Variants in KLHL12 observed in about 807,000 individuals in gnomAD.
The protein encoded by KLHL12 is kelch-like protein 12.
A neutral mutation model predicts 60.8 loss-of-function variants in KLHL12; 17 were observed. The ratio of observed to expected loss-of-function variants is 0.28; its 90% CI spans 0.19 to 0.42. The LOEUF (loss-of-function observed/expected upper bound fraction) is 0.42, where lower values mean the gene tolerates loss of function less well. Among genes scored for constraint, KLHL12 ranks in the 10% least tolerant of loss-of-function variants. The pLI is 1.00. For synonymous variants in KLHL12, 220 were observed against 250.9 expected, an observed-to-expected ratio of 0.88 and a Z score of 1.16; for missense variants, 468 against 722.3, an observed-to-expected ratio of 0.65 and a Z score of 4.04.
chr1:202,904,869 C>A (rs1660134749), intron 6 of KLHL12, among the ~76,000 whole-genome samples: 3 of 152,152 alleles, frequency 2.0e-5, no homozygotes, highest in African/African-American at 7.2e-5. Flanking sequence ...AAGTAATTTC[C>A]ATTATATCTT....
chr1:202,911,419 A>AAAT (rs1553237945), intron 4 of KLHL12, among the ~76,000 whole-genome samples: 3 of 150,768 alleles, frequency 2.0e-5, no homozygotes, highest in African/African-American at 4.9e-5. Context: ...TTAAAAAAAA[A>AAAT]ATATATATAT....
At chr1:202,925,454 T>C (rs1054296124) in intron 1 of KLHL12, among the ~76,000 whole-genome samples, 1 of 152,200 alleles carries the variant, frequency 6.6e-6, no homozygotes, top group Non-Finnish European at 1.5e-5. Flanking sequence ...TTTAATATGA[T>C]CAATGCTGAA....
At chr1:202,901,694 C>T (rs756547151) in intron 6 of KLHL12, among the ~76,000 whole-genome samples, 1 of 152,038 alleles carries the variant, frequency 6.6e-6, no homozygotes, top group Non-Finnish European at 1.5e-5. Context: ...TTATTTTTCC[C>T]GACAGATCCT....
At chr1:202,905,338 T>C (rs1660149994) in intron 6 of KLHL12, among the ~76,000 whole-genome samples, 1 of 152,192 alleles carries the variant, frequency 6.6e-6, no homozygotes, top group African/African-American at 2.4e-5. Context: ...AATAAGCAAA[T>C]AATGAGTGCT....
In KLHL12 at chr1:202,909,647, T is replaced by C. The variant is rs1169348497; in HGVS notation, c.718-523A>G. 6.6e-6 allele frequency among the ~76,000 whole-genome samples: 1 copy of C among 152,190 alleles called. No homozygotes were observed. Among genetic ancestry groups the C allele is most frequent in the East Asian group, 1.9e-4 (1 of 5,194 alleles). On this transcript the variant is annotated intron_variant, in intron 5 of 11. Coordinates refer to ENST00000367261, the MANE Select transcript of KLHL12 (RefSeq NM_021633.4). This position sits in a 1 kb window ranked among gnomAD's most constrained non-coding sequence, Gnocchi z 4.1. Reference sequence around the variant, plus strand: ...TGCCTCCCAACTCACTCTGTACCTTTTTCCACTCTGCTCTCTGGCTCAGAA... The same window carrying C: ...TGCCTCCCAACTCACTCTGTACCTTCTTCCACTCTGCTCTCTGGCTCAGAA...
chr1:202,902,214 G>A (rs1294429249), intron 6 of KLHL12, among the ~76,000 whole-genome samples: 1 of 151,942 alleles, frequency 6.6e-6, no homozygotes, highest in East Asian at 1.9e-4. Context: ...AGTGGATCAC[G>A]AGGTCAGGAG....
At chr1:202,919,715 C>T (rs1660627967) in intron 3 of KLHL12, 40 bp downstream of exon 3, 2 of 1,562,816 alleles carry the variant, frequency 1.3e-6, no homozygotes, top group Admixed American at 2.0e-5. Context: ...CTTTCCAGGG[C>T]TATTTTGACA....
chr1:202,908,441 G>A (rs1484970133), intron 6 of KLHL12, among the ~76,000 whole-genome samples: 1 of 152,196 alleles, frequency 6.6e-6, no homozygotes, highest in Non-Finnish European at 1.5e-5. Context: ...GTTACAGGCA[G>A]GTGCTACGAT....
At chr1:202,897,781 G>A (rs1318208047) in intron 6 of KLHL12, among the ~76,000 whole-genome samples, 2 of 150,910 alleles carry the variant, frequency 1.3e-5, no homozygotes, top group African/African-American at 4.9e-5. Context: ...TATTGCCCAG[G>A]CTGATCTCAA....
intron 4 of KLHL12, chr1:202,911,958 C>A (rs764643744): frequency 1.4e-5 from 11 of 811,664 alleles, no homozygotes; most frequent in Non-Finnish European, 2.0e-5. Context: ...TAATGAGAGA[C>A]CCAAACACCA....
At chr1:202,917,643 C>G (rs1015807310) in intron 4 of KLHL12, among the ~76,000 whole-genome samples, 1 of 152,198 alleles carries the variant, frequency 6.6e-6, no homozygotes, top group East Asian at 1.9e-4. Flanking sequence ...CTGATCCACT[C>G]CTGAGCAAAG....
chr1:202,918,563 T>C (rs1038350684), intron 3 of KLHL12, among the ~76,000 whole-genome samples, 175 bp from the exon 4 acceptor site: 2 of 152,262 alleles, frequency 1.3e-5, no homozygotes, highest in African/African-American at 4.8e-5. Context: ...TTCTGGCTTA[T>C]GTACTGTGCC....
Position 202,912,264 on chromosome 1 carries a change from G to A in KLHL12, c.568-1061C>T, listed in dbSNP as rs921732074. The A allele has an allele frequency of 4.7e-6, 5 of 1,063,184 alleles. No homozygotes were observed. The African/African-American group carries it at 6.2e-5, about 13-fold the overall frequency. 65.9% of individuals were successfully genotyped at this position (1,063,184 alleles called of 1,614,324 possible). ...TGGCAAGAAAAGGGGCTTTGCCTTT[G>A]TAACCTTTGATGACCATGACTCTGT... On this transcript the variant is annotated intron_variant, in intron 4 of 11. Coordinates refer to ENST00000367261, the MANE Select transcript of KLHL12 (RefSeq NM_021633.4).
intron 2 of KLHL12, among the ~76,000 whole-genome samples, chr1:202,923,139 G>A (rs1660749073): frequency 1.3e-5 from 2 of 152,084 alleles, no homozygotes; most frequent in South Asian, 4.1e-4. Flanking sequence ...GCATTTCCTT[G>A]CCTGATGTCA....
chr1:202,927,638 A>G (rs1653665840), upstream of KLHL12, among the ~76,000 whole-genome samples: 1 of 134,704 alleles, frequency 7.4e-6, no homozygotes, highest in South Asian at 2.4e-4. Context: ...CAGGATCGCC[A>G]CTGCACTCCA....
intron 6 of KLHL12, among the ~76,000 whole-genome samples, chr1:202,901,317 G>T (rs1249118706): frequency 6.6e-6 from 1 of 152,080 alleles, no homozygotes; most frequent in African/African-American, 2.4e-5. Context: ...CTAGGCTGGA[G>T]TGCAGTGGCA....
rs576907703 is a variant in KLHL12 at position 202,926,784 on chromosome 1, C to T, written c.-46+305G>A. Among the ~76,000 whole-genome samples, 13 of 152,294 alleles carry T rather than the reference C, an allele frequency of 8.5e-5. No homozygotes were observed. In the South Asian group the frequency reaches 2.7e-3, roughly 32 times the overall value. ...GGATTCCACTTCGGGAGATTCGGGG[C>T]AGGGAATGGGTAGTAAACTCGGGAA... is the stretch of plus-strand genomic sequence containing the variant. On this transcript the variant is annotated intron_variant, in intron 1 of 11. Transcript: ENST00000367261.
intron 11 of KLHL12, 111 bp from the exon 12 acceptor site, chr1:202,892,770 A>C: frequency 8.9e-7 from 1 of 1,121,950 alleles, no homozygotes; most frequent in Non-Finnish European, 1.3e-6. Context: ...TAAGCCCAGG[A>C]GGGAATTTGA....
chr1:202,928,577 C>G, upstream of KLHL12: 13 of 1,275,764 alleles, frequency 1.0e-5, no homozygotes, highest in Non-Finnish European at 1.2e-5. Context: ...TCGGGCCGAA[C>G]AACGCTGCGG....
Sources: allele counts gnomAD v4.1 joint callset (sites outside exome capture counted in the v4.1 genomes callset), GRCh38; gene constraint gnomAD v4.1.1; non-coding constraint Gnocchi (gnomAD v3.1); transcripts MANE v1.5; gene names NCBI Gene and HGNC (gene_info 2026-07-23, HGNC 2026-07-21).